Variants in SYN3 observed in about 807,000 individuals in gnomAD.
SYN3 encodes synapsin III.
In SYN3, 35 loss-of-function variants were observed where a neutral mutation model predicts 65.8. The ratio of observed to expected loss-of-function variants is 0.53; its 90% CI spans 0.41 to 0.70. The LOEUF (loss-of-function observed/expected upper bound fraction) is 0.70. Ranked by LOEUF, SYN3 falls within the 30% of genes least tolerant of loss-of-function variation. The pLI is 0.00. For synonymous variants in SYN3, 270 were observed against 292.9 expected (o/e 0.92, Z 0.80); for missense variants, 680 against 749.0 (o/e 0.91, Z 1.08).
At chr22:32,812,228 T>C (rs1316504726) in intron 6 of SYN3, among the ~76,000 whole-genome samples, 1 of 152,220 alleles carries the variant, frequency 6.6e-6, no homozygotes, top group Non-Finnish European at 1.5e-5. Context: ...GCTGAATAAC[T>C]CAGCACCTAA....
intron 6 of SYN3, among the ~76,000 whole-genome samples, chr22:32,855,948 G>A (rs1033586958): frequency 2.0e-5 from 3 of 152,212 alleles, no homozygotes; most frequent in Admixed American, 6.5e-5. Flanking sequence ...ATACATTTAT[G>A]TGCTTCATCT....
At chr22:32,646,183 C>T (rs1169093825) in intron 6 of SYN3, among the ~76,000 whole-genome samples, 1 of 152,072 alleles carries the variant, frequency 6.6e-6, no homozygotes, top group Non-Finnish European at 1.5e-5. Context: ...GGAATGGATC[C>T]CTGGCTCAAC....
intron 6 of SYN3, among the ~76,000 whole-genome samples, chr22:32,771,085 T>C (rs1280600648): frequency 2.6e-5 from 4 of 151,848 alleles, no homozygotes; most frequent in Non-Finnish European, 5.9e-5. Flanking sequence ...CAGGCCCTGG[T>C]GTGTGATGTT....
At chr22:32,626,132 G>A (rs2059662929) in intron 6 of SYN3, among the ~76,000 whole-genome samples, 1 of 152,182 alleles carries the variant, frequency 6.6e-6, no homozygotes, top group African/African-American at 2.4e-5. Flanking sequence ...AGTAGGCAGA[G>A]GGAATGGCTT....
At chr22:32,741,591 G>A (rs763673664) in intron 6 of SYN3, among the ~76,000 whole-genome samples, 25 of 151,934 alleles carry the variant, frequency 1.6e-4, no homozygotes, top group Non-Finnish European at 2.6e-4. Context: ...TCCTGACCTC[G>A]TGATCCGCCT....
At chr22:33,041,886 C>T (rs2053971193) in intron 1 of SYN3, among the ~76,000 whole-genome samples, 1 of 152,184 alleles carries the variant, frequency 6.6e-6, no homozygotes, top group South Asian at 2.1e-4. Context: ...GCTCAAACCT[C>T]TCTCCCAGAT....
intron 6 of SYN3, among the ~76,000 whole-genome samples, chr22:32,710,752 T>G (rs1400793683): frequency 6.6e-6 from 1 of 152,138 alleles, no homozygotes; most frequent in Non-Finnish European, 1.5e-5. Context: ...GCCATGATTT[T>G]AAGTTTCCTG....
At chr22:32,904,665 T>C (rs2049854356) in intron 4 of SYN3, among the ~76,000 whole-genome samples, 1 of 152,154 alleles carries the variant, frequency 6.6e-6, no homozygotes, top group South Asian at 2.1e-4. Context: ...TCCTTATGCA[T>C]ATAGAGTCTT....
At chr22:32,860,638 A>C (rs902984276) in intron 6 of SYN3, 1 of 152,348 alleles carries the variant, frequency 6.6e-6, no homozygotes, top group East Asian at 1.9e-4. Context: ...TCCCTGCTTC[A>C]TGTTTGGGGG....
intron 3 of SYN3, among the ~76,000 whole-genome samples, chr22:32,945,896 C>T (rs5754350): frequency 6.6e-6 from 1 of 152,084 alleles, no homozygotes; most frequent in Admixed American, 6.5e-5. Context: ...TGAACAAACA[C>T]TTCTCAAAAG....
intron 5 of SYN3, among the ~76,000 whole-genome samples, chr22:32,868,449 CT>C (rs1233797310): frequency 1.3e-5 from 2 of 151,272 alleles, no homozygotes; most frequent in African/African-American, 2.4e-5. Context: ...TATTACAAAA[CT>C]TTTTTTCGAG....
chr22:32,786,447 C>T (rs1193259397), intron 6 of SYN3, among the ~76,000 whole-genome samples: 1 of 151,748 alleles, frequency 6.6e-6, no homozygotes, highest in African/African-American at 2.4e-5. Flanking sequence ...ACTGCAAGCT[C>T]CACCTCCCGG....
At position 32,653,511 on chromosome 22, in the gene SYN3, A is replaced by T. The variant is rs1040558532; in HGVS notation, c.712-56775T>A. The stretch of plus-strand genomic sequence containing the variant: ...AAAAAAATGCTAGGGCTTCATTTCC[A>T]GCCAAACCCAGAGTCCTTTATGGGA... On this transcript the variant is annotated intron_variant, in intron 6 of 13. Coordinates refer to ENST00000358763, the MANE Select transcript of SYN3 (RefSeq NM_003490.4). Among the ~76,000 whole-genome samples, 19 of 152,346 alleles carry T rather than the reference A, an allele frequency of 1.2e-4. No individual in the cohort carries two copies. In the East Asian group the frequency reaches 3.5e-3, roughly 28 times the overall value.
At chr22:32,748,101 G>A (rs529711333) in intron 6 of SYN3, among the ~76,000 whole-genome samples, 2 of 152,288 alleles carry the variant, frequency 1.3e-5, no homozygotes, top group South Asian at 2.1e-4. Context: ...AACCTTAGAC[G>A]CTGGATGACC....
At chr22:32,693,592 GTTTTTTTTTT>G (rs1189710191) in intron 6 of SYN3, among the ~76,000 whole-genome samples, 10 of 90,502 alleles carry the variant, frequency 1.1e-4, no homozygotes, top group African/African-American at 5.2e-4. Flanking sequence ...TCTGTAGCTT[GTTTTTTTTTT>G]TTTTTTTTTT....
At position 32,751,644 on chromosome 22, in the gene SYN3, A is replaced by G. The variant is rs1009879241; in HGVS notation, c.711+113271T>C. Among the ~76,000 whole-genome samples the G allele has an allele frequency of 6.6e-5, 10 of 152,360 alleles. No individual in the cohort carries two copies. The East Asian group carries it at 9.6e-4, about 15-fold the overall frequency. ...CAGTGGGATATCACCACCTTCAGTCAGAGTTGCAGAATCAGAACAGGAGGA... is the reference window on the plus strand; with the variant it reads ...CAGTGGGATATCACCACCTTCAGTCGGAGTTGCAGAATCAGAACAGGAGGA... On this transcript the variant is annotated intron_variant, in intron 6 of 13. Transcript: ENST00000358763.
Position 32,981,261 on chromosome 22 carries a change from G to A in SYN3, c.312-559C>T, listed in dbSNP as rs892166505. ...CGTCACTTGACCTCTCTGCATCTCA[G>A]TTTTAGCATCTGTAAAATAATGATA... On this transcript the variant is annotated intron_variant, in intron 2 of 13. Coordinates refer to ENST00000358763, the MANE Select transcript of SYN3 (RefSeq NM_003490.4). 2.6e-5 allele frequency among the ~76,000 whole-genome samples: 4 copies of A among 151,282 alleles called. No individual in the cohort carries two copies. The South Asian group carries it at 8.4e-4, about 32-fold the overall frequency.
At chr22:32,573,382 T>C (rs1397336654) in intron 7 of SYN3, among the ~76,000 whole-genome samples, 1 of 152,090 alleles carries the variant, frequency 6.6e-6, no homozygotes, top group Non-Finnish European at 1.5e-5. Context: ...CTTGGTTTAT[T>C]TGGAGATTGC....
intron 7 of SYN3, among the ~76,000 whole-genome samples, chr22:32,585,266 A>G (rs139895495): frequency 3.3e-4 from 51 of 152,326 alleles, no homozygotes; most frequent in African/African-American, 1.0e-3. Flanking sequence ...AGGGAAGTTA[A>G]GAAATTTGCT....
Sources: allele counts gnomAD v4.1 joint callset (sites outside exome capture counted in the v4.1 genomes callset), GRCh38; gene constraint gnomAD v4.1.1; transcripts MANE v1.5; gene names NCBI Gene and HGNC (gene_info 2026-07-23, HGNC 2026-07-21).